Variants in MDN1 observed in about 807,000 individuals in gnomAD.
The protein encoded by MDN1 is midasin.
In MDN1, 266 loss-of-function variants were observed where a neutral mutation model predicts 669.2. That is an observed-to-expected ratio of 0.40 (90% CI 0.36 to 0.44). The LOEUF (loss-of-function observed/expected upper bound fraction) is 0.44. MDN1 is among the 20% of genes least tolerant of loss of function. MDN1 has a pLI of 1.00. For missense variants in MDN1, 5,940 were observed against 6,754.0 expected (o/e 0.88, Z 4.22); for synonymous variants, 2,385 against 2,457.1 (o/e 0.97, Z 0.87).
chr6:89,650,997 C>T (rs557152024), intron 95 of MDN1, 150 bp from the exon 96 acceptor site: 6 of 603,814 alleles, frequency 9.9e-6, no homozygotes, highest in East Asian at 5.9e-5. Context: ...AGCAAGCTAC[C>T]ATGTAATTTA....
intron 5 of MDN1, among the ~76,000 whole-genome samples, chr6:89,790,976 T>G (rs1159101062): frequency 6.6e-6 from 1 of 152,170 alleles, no homozygotes; most frequent in African/African-American, 2.4e-5. Context: ...TGGGCCAAGA[T>G]CGTGCCACTG....
intron 1 of MDN1, among the ~76,000 whole-genome samples, chr6:89,805,562 G>A (rs1767960640): frequency 6.6e-6 from 1 of 152,060 alleles, no homozygotes; most frequent in Admixed American, 6.6e-5. Flanking sequence ...AACAAAAAAA[G>A]GATGAGGAGG....
rs546722198 is a variant in MDN1 at position 89,790,380 on chromosome 6, G to A, written c.877C>T (p.Arg293Cys). The change falls in exon 6 of 102, where the codon CGT becomes TGT. Residue 293 changes from arginine (R) to cysteine (C), a missense_variant. Arg to Cys is a radical substitution (Grantham distance 180, BLOSUM62 -3). Coordinates refer to ENST00000369393, the MANE Select transcript of MDN1 (RefSeq NM_014611.3). ...GACCTAAGGGCCAGCTCCTGTTCAC[G>A]TGAAGAACTCCTATTACCACCCTAA... is the stretch of plus-strand genomic sequence containing the variant. ...GELGGNRSSS[R>C]EQELALRSYV... 50 of 1,613,806 alleles carry A rather than the reference G, an allele frequency of 3.1e-5. No individual in the cohort carries two copies. The highest frequency in any genetic ancestry group is 3.7e-5 in the Non-Finnish European group (44 of 1,179,968).
At chr6:89,724,654 G>A (rs776087002) in intron 38 of MDN1, among the ~76,000 whole-genome samples, 5 of 152,162 alleles carry the variant, frequency 3.3e-5, no homozygotes, top group Non-Finnish European at 7.3e-5. Flanking sequence ...GAAATCTAGA[G>A]ACATTTCCAA....
At chr6:89,788,961 T>C (rs777847663) in intron 7 of MDN1, among the ~76,000 whole-genome samples, 6 of 151,848 alleles carry the variant, frequency 4.0e-5, no homozygotes, top group Non-Finnish European at 7.4e-5. Context: ...CCGTCTCTAC[T>C]AAAAATACAA....
intron 32 of MDN1, 77 bp from the exon 33 acceptor site, chr6:89,738,532 T>C: frequency 2.6e-6 from 4 of 1,519,382 alleles, no homozygotes; most frequent in African/African-American, 1.4e-5. Context: ...GAAAGAATGT[T>C]GTTAGCTGTT....
chr6:89,700,952 C>T, intron 55 of MDN1, 96 bp from the exon 56 acceptor site: 1 of 1,023,338 alleles, frequency 9.8e-7, no homozygotes, highest in South Asian at 1.7e-5. Flanking sequence ...ATGATATATT[C>T]TTAATGTTTC....
At chr6:89,706,215 T>C (rs748240005) in intron 52 of MDN1, 23 bp from the exon 53 acceptor site, 13 of 1,597,618 alleles carry the variant, frequency 8.1e-6, no homozygotes, top group Non-Finnish European at 1.1e-5. Flanking sequence ...ATAAATAAAA[T>C]GAGAACATTT....
At chr6:89,681,188 T>G (rs796422297) in intron 73 of MDN1, among the ~76,000 whole-genome samples, 4 of 152,142 alleles carry the variant, frequency 2.6e-5, no homozygotes, top group African/African-American at 9.7e-5. Context: ...TCCTTTTTTT[T>G]TTTGAGACAG....
intron 82 of MDN1, 68 bp downstream of exon 82, chr6:89,672,132 T>TA: frequency 6.8e-7 from 1 of 1,463,048 alleles, no homozygotes; most frequent in South Asian, 1.5e-5. Context: ...TGGAGGGAAG[T>TA]AAAGCCCACT....
chr6:89,786,219 C>G (rs1818950064), intron 8 of MDN1, among the ~76,000 whole-genome samples: 1 of 152,036 alleles, frequency 6.6e-6, no homozygotes, highest in South Asian at 2.1e-4. Flanking sequence ...AATCATGCCA[C>G]TGCACTCCAG....
At position 89,811,989 on chromosome 6, in the gene MDN1, CT is replaced by C. The variant is rs752960421; in HGVS notation, c.102+7516del. ...ATTACTTAACAAATACAAGAAAAAACTTTTTTTTTTTTTCTGAGATGGAGTC... is the reference window on the plus strand; with the variant it reads ...ATTACTTAACAAATACAAGAAAAAACTTTTTTTTTTTTCTGAGATGGAGTC... On this transcript the variant is annotated intron_variant, in intron 1 of 101. Transcript: ENST00000369393. 3.6e-3 allele frequency among the ~76,000 whole-genome samples: 525 copies of C among 145,470 alleles called. 1 individual carries two copies. Among genetic ancestry groups the C allele is most frequent in the Middle Eastern group, 0.011 (3 of 278 alleles).
At chr6:89,677,756 C>T (rs1203838518) in intron 75 of MDN1, 60 bp from the exon 76 acceptor site, 24 of 1,607,340 alleles carry the variant, frequency 1.5e-5, no homozygotes, top group Non-Finnish European at 1.8e-5. Context: ...GATGTGCCCC[C>T]CTCTCCCCTG....
rs1190607880 is a variant in MDN1 at position 89,772,641 on chromosome 6, G to A, written c.2015C>T (p.Pro672Leu). 6.2e-7 allele frequency: 1 copy of A among 1,614,150 alleles called. No homozygotes were observed. Among genetic ancestry groups the A allele is most frequent in the East Asian group, 2.2e-5 (1 of 44,878 alleles). Reference protein sequence around the residue: ...QLAVCVSKGEPVLLVGETGTG... With the variant: ...QLAVCVSKGELVLLVGETGTG... ...CCCGGTCTCTCCCACCAGCAACACA[G>A]GCTCCCCTTTGCTGACACACACTGC... Residue 672 changes from proline to leucine, a missense_variant, in exon 14 of 102, where the codon CCT (proline) becomes CTT (leucine). Pro to Leu is a moderately conservative substitution (Grantham distance 98). Around this residue, in one of 5 missense-constraint regions of MDN1, gnomAD observed 1,203 missense variants for 1,268.9 expected, o/e 0.95. Transcript: ENST00000369393.
In MDN1 at chr6:89,723,617, G is replaced by C. The variant is rs750318836; in HGVS notation, c.5673C>G (p.Val1891=). The C allele has an allele frequency of 2.0e-6, 3 of 1,535,524 alleles. No homozygotes were observed. The Admixed American group carries it at 6.0e-5, about 31-fold the overall frequency. ...PRSFLNRFTQ[V]FVDPLTVIDM... is the part of the protein sequence containing the mutation. ...CAATTACTGTAAGGGGATCAACGAA[G>C]ACCTAGAAATCCAAAAATAATATGA... Residue 1891 remains valine, a splice_region_variant and synonymous_variant, in exon 39 of 102, where the codon GTC becomes GTG. Coordinates refer to ENST00000369393, the MANE Select transcript of MDN1 (RefSeq NM_014611.3).
chr6:89,704,455 CAA>C (rs1464620060), intron 53 of MDN1, among the ~76,000 whole-genome samples: 1 of 152,206 alleles, frequency 6.6e-6, no homozygotes, highest in Non-Finnish European at 1.5e-5. Context: ...TGATTTTTCA[CAA>C]GTGTGACTTT....
intron 35 of MDN1, among the ~76,000 whole-genome samples, chr6:89,729,781 T>C (rs910300846): frequency 6.7e-6 from 1 of 148,520 alleles, no homozygotes; most frequent in African/African-American, 2.5e-5. Context: ...ACCCCAGTTC[T>C]AGGCCACTAG....
intron 15 of MDN1, among the ~76,000 whole-genome samples, chr6:89,763,239 C>T (rs1309767067): frequency 6.7e-6 from 1 of 149,360 alleles, no homozygotes; most frequent in Non-Finnish European, 1.5e-5. Context: ...GTAAATTAAA[C>T]ACAGCCCACA....
chr6:89,788,070 G>C, intron 7 of MDN1, 113 bp from the exon 8 acceptor site: 3 of 911,114 alleles, frequency 3.3e-6, no homozygotes, highest in Non-Finnish European at 5.0e-6. Flanking sequence ...GGAAACGTCA[G>C]CTCTCATAGT....
Sources: gnomAD v4.1 joint callset for allele counts (sites outside exome capture counted in the v4.1 genomes callset) on GRCh38, gnomAD v4.1.1 for gene constraint, gnomAD v4.1.1 regional missense constraint, MANE v1.5 for transcripts, NCBI Gene and HGNC (gene_info 2026-07-23, HGNC 2026-07-21) for gene names.